Variants in TBC1D12 observed in about 807,000 individuals in gnomAD.
TBC1D12 encodes TBC1 domain family, member 12.
TBC1D12 carries 56 observed loss-of-function variants against 86.7 expected under a neutral mutation model. The observed-to-expected ratio is 0.65, with a 90% confidence interval of 0.52 to 0.81. TBC1D12 has a LOEUF of 0.81. Ranked by LOEUF, TBC1D12 falls within the 30% of genes least tolerant of loss-of-function variation. TBC1D12 has a pLI of 0.00. For missense variants in TBC1D12, 1,023 were observed against 1,038.8 expected (o/e 0.98, Z 0.21); for synonymous variants, 421 against 411.7 (o/e 1.02, Z -0.27).
At position 94,420,664 on chromosome 10, in the gene TBC1D12, G is replaced by T. The variant is rs532172780; in HGVS notation, c.971+17080G>T. 5.9e-5 allele frequency among the ~76,000 whole-genome samples: 9 copies of T among 152,226 alleles called. No homozygotes were observed. In the South Asian group the frequency reaches 1.7e-3, roughly 28 times the overall value. On this transcript the variant is annotated intron_variant, in intron 1 of 12. Transcript: ENST00000225235. The stretch of plus-strand genomic sequence containing the variant: ...TTCTTTCACTTTGCATGTTTTTAAG[G>T]TTCATTTATATTGTAGCATGCCTCA...
chr10:94,455,934 A>C lies in TBC1D12; in HGVS notation c.1095+13915A>C, dbSNP rs2055620427. On this transcript the variant is annotated intron_variant, in intron 2 of 12. Transcript: ENST00000225235. ...GATGGCACCTGGACAACAGAGCTTAAGACTCCATCTCAAAAAAGAAAAAAA... is the reference window on the plus strand; with the variant it reads ...GATGGCACCTGGACAACAGAGCTTACGACTCCATCTCAAAAAAGAAAAAAA... 3.3e-5 allele frequency among the ~76,000 whole-genome samples: 5 copies of C among 152,196 alleles called. No individual in the cohort carries two copies. The South Asian group carries it at 1.0e-3, about 32-fold the overall frequency.
intron 2 of TBC1D12, among the ~76,000 whole-genome samples, chr10:94,463,045 T>A (rs2055753067): frequency 6.6e-6 from 1 of 152,242 alleles, no homozygotes; most frequent in African/African-American, 2.4e-5. Flanking sequence ...CCTCTAACTG[T>A]GCTTTAGCTG....
Position 94,507,344 on chromosome 10 carries a change from G to T in TBC1D12, c.1597G>T (p.Glu533Ter). The change falls in exon 7 of 13, where the codon GAA becomes TAA. Residue 533 changes from glutamate (E) to a stop codon, truncating the protein, a stop_gained. Coordinates refer to ENST00000225235, the MANE Select transcript of TBC1D12 (RefSeq NM_015188.2). LOFTEE classifies it high-confidence loss of function. ...FSETSSENDTEGVSVADREAS... is the reference protein window; with the variant it reads ...FSETSSENDT The stretch of plus-strand genomic sequence containing the variant: ...TGAAACAAGTTCAGAGAATGATACA[G>T]AAGGTGTGATTTCTTTTTTTAAATA... The T allele has an allele frequency of 1.1e-5, 18 of 1,594,876 alleles. No homozygotes were observed. Among genetic ancestry groups the T allele is most frequent in the Non-Finnish European group, 1.4e-5 (17 of 1,175,648 alleles).
intron 9 of TBC1D12, among the ~76,000 whole-genome samples, chr10:94,519,063 T>TA (rs1304810479): frequency 6.6e-6 from 1 of 152,160 alleles, no homozygotes; most frequent in African/African-American, 2.4e-5. Context: ...CGATAAGAGC[T>TA]AAACTCTGTC....
In TBC1D12 at chr10:94,507,256, C is replaced by A. The variant is rs1170853079; in HGVS notation, c.1520-11C>A. ...TTATTCATACATTTTTGTTCTCCCCCCAACCCCCAGAACTTTATGAAATCT... is the reference window on the plus strand; with the variant it reads ...TTATTCATACATTTTTGTTCTCCCCACAACCCCCAGAACTTTATGAAATCT... On this transcript the variant is annotated splice_polypyrimidine_tract_variant and intron_variant, in intron 6 of 12. Transcript: ENST00000225235. 1.2e-6 allele frequency: 2 copies of A among 1,600,462 alleles called. No homozygotes were observed. Among genetic ancestry groups the A allele is most frequent in the East Asian group, 2.2e-5 (1 of 44,578 alleles).
At position 94,462,855 on chromosome 10, in the gene TBC1D12, C is replaced by T. The variant is rs1351397013; in HGVS notation, c.1096-11813C>T. Among the ~76,000 whole-genome samples the T allele has an allele frequency of 3.3e-5, 5 of 152,040 alleles. No individual in the cohort carries two copies. The South Asian group carries it at 1.0e-3, about 32-fold the overall frequency. Reference sequence around the variant, plus strand: ...CAATTTTATTATGTTTTAAAAGAAACACCTTTTGTTTCACTGATTTTCACT... The same window carrying T: ...CAATTTTATTATGTTTTAAAAGAAATACCTTTTGTTTCACTGATTTTCACT... On this transcript the variant is annotated intron_variant, in intron 2 of 12. Transcript: ENST00000225235.
intron 11 of TBC1D12, among the ~76,000 whole-genome samples, chr10:94,525,095 C>T (rs1349293998): frequency 1.3e-5 from 2 of 152,094 alleles, no homozygotes; most frequent in Non-Finnish European, 2.9e-5. Flanking sequence ...TTCCAGAAAC[C>T]ATATTCTTTA....
rs768676652 is a variant in TBC1D12, at chr10:94,510,199, T to C, written c.1689+20T>C. 1.3e-6 allele frequency: 2 copies of C among 1,496,890 alleles called. No homozygotes were observed. Among genetic ancestry groups the C allele is most frequent in the Non-Finnish European group, 1.8e-6 (2 of 1,111,974 alleles). The allele number at this position is 1,496,890 out of a possible 1,614,324, so 92.7% of individuals were successfully genotyped here. On this transcript the variant is annotated intron_variant, in intron 8 of 12. Transcript: ENST00000225235. Reference sequence around the variant, plus strand: ...CAGAAGGTGAGGGTTTCTAACCAGCTTGTAATTACTTAAAAAAAATCTATC... The same window carrying C: ...CAGAAGGTGAGGGTTTCTAACCAGCCTGTAATTACTTAAAAAAAATCTATC...
chr10:94,500,451 C>A (rs1319030532), intron 6 of TBC1D12, 124 bp downstream of exon 6: 9 of 611,468 alleles, frequency 1.5e-5, no homozygotes, highest in Non-Finnish European at 1.8e-5. Flanking sequence ...ATTTTAAAAG[C>A]ATGCTTCATC....
intron 5 of TBC1D12, among the ~76,000 whole-genome samples, chr10:94,497,745 C>G (rs2056342481): frequency 6.9e-6 from 1 of 145,884 alleles, no homozygotes; most frequent in Non-Finnish European, 1.5e-5. Context: ...TCTGCTAAAT[C>G]TTACCTATCC....
intron 1 of TBC1D12, among the ~76,000 whole-genome samples, chr10:94,439,780 T>TA (rs576683652): frequency 9.0e-4 from 137 of 152,312 alleles, no homozygotes; most frequent in African/African-American, 2.6e-3. Context: ...AATTTGGAGT[T>TA]AAGAGGTATT....
intron 11 of TBC1D12, among the ~76,000 whole-genome samples, chr10:94,523,833 G>A (rs1418207558): frequency 6.6e-6 from 1 of 152,162 alleles, no homozygotes; most frequent in Non-Finnish European, 1.5e-5. Context: ...GCCAGACATA[G>A]TCGTGCATTC....
At chr10:94,423,724 G>T (rs2055110487) in intron 1 of TBC1D12, among the ~76,000 whole-genome samples, 1 of 152,066 alleles carries the variant, frequency 6.6e-6, no homozygotes, top group Admixed American at 6.6e-5. Flanking sequence ...GTCTTAGCCT[G>T]TGTATGAATT....
chr10:94,429,301 A>G (rs565611419), intron 1 of TBC1D12, among the ~76,000 whole-genome samples: 26 of 151,762 alleles, frequency 1.7e-4, no homozygotes, highest in African/African-American at 6.0e-4. Context: ...TTTTTTTTTA[A>G]TTTTTAGGAT....
Sources: gnomAD v4.1 joint callset for allele counts (sites outside exome capture counted in the v4.1 genomes callset) on GRCh38, gnomAD v4.1.1 for gene constraint, MANE v1.5 for transcripts, NCBI Gene and HGNC (gene_info 2026-07-23, HGNC 2026-07-21) for gene names.